Variants in SEMA4F observed in about 807,000 individuals in gnomAD.
The protein encoded by SEMA4F is semaphorin-4F.
SEMA4F carries 51 observed loss-of-function variants against 78.4 expected under a neutral mutation model. The ratio of observed to expected loss-of-function variants is 0.65; its 90% CI spans 0.52 to 0.82. The LOEUF is 0.82. SEMA4F is among the 40% of genes least tolerant of loss of function. The pLI is 0.00. For synonymous variants in SEMA4F, 418 were observed against 408.7 expected, an observed-to-expected ratio of 1.02 and a Z score of -0.27; for missense variants, 938 against 1,014.4, an observed-to-expected ratio of 0.92 and a Z score of 1.02.
At position 74,656,737 on chromosome 2, in the gene SEMA4F, C is replaced by A. The variant is rs1245898972; in HGVS notation, c.297+52C>A. 5 of 1,585,702 alleles carry A rather than the reference C, an allele frequency of 3.2e-6. No homozygotes were observed. The South Asian group carries it at 3.4e-5, about 11-fold the overall frequency. On this transcript the variant is annotated intron_variant, in intron 2 of 13. Coordinates refer to ENST00000357877, the MANE Select transcript of SEMA4F (RefSeq NM_004263.5). Reference sequence around the variant, plus strand: ...CTGACCCTGTAGCATGTGATTAAATCTATGATTTTATGAGTGTGTGTGGGG... The same window carrying A: ...CTGACCCTGTAGCATGTGATTAAATATATGATTTTATGAGTGTGTGTGGGG...
chr2:74,675,085 A>C, intron 9 of SEMA4F, 50 bp downstream of exon 9: 1 of 1,613,592 alleles, frequency 6.2e-7, no homozygotes, highest in Non-Finnish European at 8.5e-7. Flanking sequence ...GCTGCTATTA[A>C]GGCAAGAGCC....
the SEMA4F span, among the ~76,000 whole-genome samples, chr2:74,689,296 A>T: frequency 4.6e-5 from 7 of 152,346 alleles, no homozygotes; most frequent in Middle Eastern, 3.4e-3. Context: ...CTTTAAAATA[A>T]GATGTTTTTC....
intron 10 of SEMA4F, 39 bp from the exon 11 acceptor site, chr2:74,675,486 C>T (rs768170116): frequency 4.4e-6 from 7 of 1,598,472 alleles, no homozygotes; most frequent in East Asian, 2.2e-5. Flanking sequence ...GGCACAGGGG[C>T]AATTATGTAA....
At chr2:74,660,011 G>A (rs1684347363) in intron 4 of SEMA4F, among the ~76,000 whole-genome samples, 1 of 152,134 alleles carries the variant, frequency 6.6e-6, no homozygotes, top group African/African-American at 2.4e-5. Flanking sequence ...ACCTCTAGCA[G>A]TTAACAGAGA....
downstream of SEMA4F, among the ~76,000 whole-genome samples, chr2:74,684,087 AC>A (rs1228485838): frequency 1.2e-4 from 15 of 125,336 alleles, no homozygotes; most frequent in East Asian, 4.4e-3. Flanking sequence ...CACCAAATTA[AC>A]TTTTTTTTTT....
At chr2:74,693,691 A>G in the SEMA4F span, among the ~76,000 whole-genome samples, 9 of 152,206 alleles carry the variant, frequency 5.9e-5, no homozygotes, top group African/African-American at 2.2e-4. Flanking sequence ...TGCCTTGAAA[A>G]TATTTCAGAA....
chr2:74,705,962 TC>T, the SEMA4F span, among the ~76,000 whole-genome samples: 1 of 132,796 alleles, frequency 7.5e-6, no homozygotes, highest in African/African-American at 3.4e-5. Context: ...TATTTTCTTT[TC>T]TTTTTTTTTG....
In SEMA4F at chr2:74,675,924, C is replaced by T. The variant is rs781551025; in HGVS notation, c.1643+15C>T. The T allele has an allele frequency of 5.6e-6, 9 of 1,600,702 alleles. No individual in the cohort carries two copies. The Admixed American group carries it at 6.8e-5, about 12-fold the overall frequency. On this transcript the variant is annotated intron_variant, in intron 12 of 13. Coordinates refer to ENST00000357877, the MANE Select transcript of SEMA4F (RefSeq NM_004263.5). ...GAGCACCGAGGGTGAGTGTAGCTGCCTGGATTTCTTGCTTACTGTGCCAGG... is the reference window on the plus strand; with the variant it reads ...GAGCACCGAGGGTGAGTGTAGCTGCTTGGATTTCTTGCTTACTGTGCCAGG...
chr2:74,700,369 T>C, the SEMA4F span, among the ~76,000 whole-genome samples: 1 of 152,148 alleles, frequency 6.6e-6, no homozygotes, highest in African/African-American at 2.4e-5. Flanking sequence ...TAGGTTCCCC[T>C]GCTCCTCACT....
intron 3 of SEMA4F, 105 bp downstream of exon 3, chr2:74,657,729 A>G: frequency 7.2e-7 from 1 of 1,393,212 alleles, no homozygotes; most frequent in South Asian, 1.2e-5. Context: ...CCAGGCAGAG[A>G]CTCTAACACC....
the SEMA4F span, among the ~76,000 whole-genome samples, chr2:74,699,467 C>T: frequency 6.6e-6 from 1 of 152,226 alleles, no homozygotes; most frequent in East Asian, 1.9e-4. Context: ...TGCAATGCCT[C>T]AGGGGGACCT....
At position 74,656,611 on chromosome 2, in the gene SEMA4F, C is replaced by G; in HGVS notation, c.223C>G (p.His75Asp). ...YSVLLVDPAS[H>D]TLYVGARDTI... ...TGTTCTCCTTGTGGATCCTGCCTCC[C>G]ACACACTTTATGTTGGCGCCCGGGA... Residue 75 changes from histidine (H) to aspartate (D), a missense_variant, in exon 2 of 14, where the codon CAC becomes GAC. Physicochemically the swap from His to Asp is moderately conservative, Grantham distance 81 (BLOSUM62 -1). Transcript: ENST00000357877. The G allele has an allele frequency of 6.2e-7, 1 of 1,614,188 alleles. No individual in the cohort carries two copies.
rs1020159965 is a variant in SEMA4F at position 74,681,870 on chromosome 2, A to G, written c.*1661A>G. 13 of 152,622 alleles carry G rather than the reference A, an allele frequency of 8.5e-5. No individual in the cohort carries two copies. The highest frequency in any genetic ancestry group is 2.9e-4 in the African/African-American group (12 of 41,438). 9.5% of individuals were successfully genotyped at this position (152,622 alleles called of 1,614,324 possible). On this transcript the variant is annotated 3_prime_UTR_variant, in exon 14 of 14. Coordinates refer to ENST00000357877, the MANE Select transcript of SEMA4F (RefSeq NM_004263.5). Reference sequence around the variant, plus strand: ...TTGGCAGCAGCCTGTGAACTACTCAAAAGAGTCCCCTTGGGTTTGGAATTA... The same window carrying G: ...TTGGCAGCAGCCTGTGAACTACTCAGAAGAGTCCCCTTGGGTTTGGAATTA...
At chr2:74,705,358 G>A in the SEMA4F span, among the ~76,000 whole-genome samples, 1 of 152,082 alleles carries the variant, frequency 6.6e-6, no homozygotes, top group Admixed American at 6.5e-5. Context: ...GTAATTGCCT[G>A]GAAATAGTGA....
chr2:74,669,324 G>C (rs781634498), intron 5 of SEMA4F, among the ~76,000 whole-genome samples: 1 of 151,568 alleles, frequency 6.6e-6, no homozygotes, highest in Non-Finnish European at 1.5e-5. Context: ...GGTGGCTCAC[G>C]CCTGTAATCC....
Position 74,679,271 on chromosome 2 carries a change from T to C in SEMA4F, c.1644-5T>C. ...TGGATTTACCAAGCATTCTCTTCTT[T>C]ATAGGTTGGTCCAAGACATAGAGTC... On this transcript the variant is annotated splice_polypyrimidine_tract_variant and splice_region_variant and intron_variant, in intron 12 of 13. Coordinates refer to ENST00000357877, the MANE Select transcript of SEMA4F (RefSeq NM_004263.5). The C allele has an allele frequency of 1.2e-6, 2 of 1,610,434 alleles. No individual in the cohort carries two copies. Among genetic ancestry groups the C allele is most frequent in the Non-Finnish European group, 1.7e-6 (2 of 1,176,620 alleles).
chr2:74,701,500 A>T, the SEMA4F span, among the ~76,000 whole-genome samples: 1 of 152,222 alleles, frequency 6.6e-6, no homozygotes, highest in East Asian at 1.9e-4. Context: ...CTGTGTTCAC[A>T]ATGCTGCTAA....
chr2:74,708,969 C>T, the SEMA4F span, among the ~76,000 whole-genome samples: 2 of 152,042 alleles, frequency 1.3e-5, no homozygotes, highest in South Asian at 4.1e-4. Context: ...AGTTTGAGAC[C>T]AGCCTGGGAA....
In SEMA4F at chr2:74,676,298, C is replaced by T. The variant is rs527556147; in HGVS notation, c.1643+389C>T. ...TCTCCTTTACTTTCCCATCCAACAA[C>T]TGAATGTTGATATTCCTCAGGGTTC... On this transcript the variant is annotated intron_variant, in intron 12 of 13. Coordinates refer to ENST00000357877, the MANE Select transcript of SEMA4F (RefSeq NM_004263.5). Among the ~76,000 whole-genome samples the T allele has an allele frequency of 2.6e-5, 4 of 152,378 alleles. No homozygotes were observed. In the East Asian group the frequency reaches 5.8e-4, roughly 22 times the overall value.
Sources: allele counts gnomAD v4.1 joint callset (sites outside exome capture counted in the v4.1 genomes callset), GRCh38; gene constraint gnomAD v4.1.1; transcripts MANE v1.5; gene names NCBI Gene and HGNC (gene_info 2026-07-23, HGNC 2026-07-21).